The following ELL2 variants were observed in gnomAD, a reference collection of about 807,000 sequenced individuals.
ELL2 encodes the protein elongation factor for RNA polymerase II 2, also known as RNA polymerase II elongation factor ELL2.
A neutral mutation model predicts 72.8 loss-of-function variants in ELL2; 21 were observed. The ratio of observed to expected loss-of-function variants is 0.29; its 90% CI spans 0.20 to 0.42. The LOEUF (loss-of-function observed/expected upper bound fraction) is 0.42. Ranked by LOEUF, ELL2 falls within the 10% of genes least tolerant of loss-of-function variation. ELL2 has a pLI of 1.00. For synonymous variants in ELL2, 266 were observed against 283.2 expected (o/e 0.94, Z 0.61); for missense variants, 568 against 772.8 (o/e 0.73, Z 3.14).
At chr5:95,913,173 C>T (rs968350261) in intron 4 of ELL2, among the ~76,000 whole-genome samples, 3 of 152,112 alleles carry the variant, frequency 2.0e-5, no homozygotes, top group Admixed American at 1.3e-4. Context: ...TGATGGGGGT[C>T]GGATAGGGTC....
intron 2 of ELL2, among the ~76,000 whole-genome samples, chr5:95,933,897 C>T (rs146785985): frequency 0.011 from 1,708 of 151,890 alleles, 13 homozygotes; most frequent in Middle Eastern, 0.041. Context: ...AAAGAAGGAA[C>T]AAAACACTGT....
chr5:95,929,014 C>T (rs1414006926), intron 2 of ELL2, among the ~76,000 whole-genome samples: 3 of 152,150 alleles, frequency 2.0e-5, no homozygotes, highest in African/African-American at 7.2e-5. Context: ...TCTGTGTCCC[C>T]ACTTCTTGCC....
intron 9 of ELL2, among the ~76,000 whole-genome samples, chr5:95,893,439 C>T (rs979519051): frequency 4.6e-5 from 7 of 152,152 alleles, no homozygotes; most frequent in African/African-American, 1.7e-4. Context: ...GGCTGGAGTG[C>T]AGTGGCACCA....
intron 1 of ELL2, among the ~76,000 whole-genome samples, chr5:95,948,268 A>G (rs1041155726): frequency 4.7e-5 from 5 of 107,056 alleles, no homozygotes. Context: ...CGTCTCTACT[A>G]AAAAAACGAA....
In ELL2 at chr5:95,906,541, C is replaced by T; in HGVS notation, c.723G>A (p.Leu241=). The change falls in exon 5 of 12, where the codon CTG becomes CTA. Residue 241 remains leucine, a synonymous_variant. Transcript: ENST00000237853. ...TCCTCACCTGTTGCAGAATTGCTCCCAGGGAGTTCTTGTCTTTTTGATTGA... is the reference window on the plus strand; with the variant it reads ...TCCTCACCTGTTGCAGAATTGCTCCTAGGGAGTTCTTGTCTTTTTGATTGA... ...DGVNQKDKNS[L]GAILQQVANL... 5.0e-6 allele frequency: 8 copies of T among 1,612,784 alleles called. No individual in the cohort carries two copies. The highest frequency in any genetic ancestry group is 6.8e-6 in the Non-Finnish European group (8 of 1,179,024).
chr5:95,931,204 T>C (rs1278874448), intron 2 of ELL2, among the ~76,000 whole-genome samples: 2 of 151,944 alleles, frequency 1.3e-5, no homozygotes, highest in African/African-American at 4.8e-5. Flanking sequence ...TGTGTTACCT[T>C]GGGCAAATAA....
At chr5:95,957,885 TA>T (rs1267092127) in intron 1 of ELL2, among the ~76,000 whole-genome samples, 1 of 152,238 alleles carries the variant, frequency 6.6e-6, no homozygotes, top group Non-Finnish European at 1.5e-5. Flanking sequence ...GCCTAAATCA[TA>T]GCTTCCTAAA....
Position 95,887,853 on chromosome 5 carries a change from C to G in ELL2, c.*1018G>C, listed in dbSNP as rs1434557547. 1 of 152,166 alleles carries G rather than the reference C, an allele frequency of 6.6e-6. No individual in the cohort carries two copies. The highest frequency in any genetic ancestry group is 1.5e-5 in the Non-Finnish European group (1 of 68,008). The allele number at this position is 152,166 out of a possible 1,614,324, so 9.4% of individuals were successfully genotyped here. On this transcript the variant is annotated 3_prime_UTR_variant, in exon 12 of 12. Coordinates refer to ENST00000237853, the MANE Select transcript of ELL2 (RefSeq NM_012081.6). ...CACATTTCATTTTATAATTTTGTCC[C>G]AAAACTATAGATCTGTTTCATTTTC... is the stretch of plus-strand genomic sequence containing the variant.
At chr5:95,916,935 G>A (rs1749832443) in intron 3 of ELL2, among the ~76,000 whole-genome samples, 1 of 152,148 alleles carries the variant, frequency 6.6e-6, no homozygotes, top group Non-Finnish European at 1.5e-5. Flanking sequence ...AGAATAAGCT[G>A]AACATACTGC....
chr5:95,907,625 A>G (rs1481455523), intron 4 of ELL2, among the ~76,000 whole-genome samples: 6 of 152,148 alleles, frequency 3.9e-5, no homozygotes, highest in Non-Finnish European at 7.3e-5. Context: ...GGTCACTGAC[A>G]ATCCCAGCAA....
At position 95,930,190 on chromosome 5, in the gene ELL2, GA is replaced by G. The variant is rs531714495; in HGVS notation, c.196-10646del. ...AAAGCCCAAACCTGAATTCTACAAGGAAAAAAAATCTTAAATATGAATCGCA... is the reference window on the plus strand; with the variant it reads ...AAAGCCCAAACCTGAATTCTACAAGGAAAAAAATCTTAAATATGAATCGCA... On this transcript the variant is annotated intron_variant, in intron 2 of 11. Coordinates refer to ENST00000237853, the MANE Select transcript of ELL2 (RefSeq NM_012081.6). 6.4e-4 allele frequency among the ~76,000 whole-genome samples: 98 copies of G among 151,996 alleles called. 2 individuals are homozygous for G. Among genetic ancestry groups the G allele is most frequent in the Non-Finnish European group, 1.6e-4 (11 of 67,936 alleles).
chr5:95,902,365 CT>C (rs1749175362), intron 5 of ELL2, among the ~76,000 whole-genome samples: 1 of 152,204 alleles, frequency 6.6e-6, no homozygotes, highest in Non-Finnish European at 1.5e-5. Context: ...CCCCAAATTA[CT>C]GTTATTAGTC....
intron 2 of ELL2, among the ~76,000 whole-genome samples, chr5:95,931,796 T>TTAAA (rs1554077874): frequency 5.8e-4 from 42 of 72,550 alleles, no homozygotes; most frequent in African/African-American, 5.9e-4. Context: ...GCCCTATCCA[T>TTAAA]AAAAAAAAAA....
At chr5:95,953,955 T>C (rs1175271509) in intron 1 of ELL2, among the ~76,000 whole-genome samples, 1 of 152,208 alleles carries the variant, frequency 6.6e-6, no homozygotes, top group Non-Finnish European at 1.5e-5. Flanking sequence ...TGGCCTTAAG[T>C]ACAATTTATA....
chr5:95,908,734 T>C (rs1749471274), intron 4 of ELL2, among the ~76,000 whole-genome samples: 1 of 152,142 alleles, frequency 6.6e-6, no homozygotes, highest in Admixed American at 6.5e-5. Flanking sequence ...AAAATTTTAA[T>C]AGGAAATATT....
intron 1 of ELL2, among the ~76,000 whole-genome samples, chr5:95,960,907 C>T (rs1345192374): frequency 6.6e-6 from 1 of 151,720 alleles, no homozygotes; most frequent in Non-Finnish European, 1.5e-5. Context: ...AGTGTCCCCG[C>T]CGTTCCAGTG....
intron 2 of ELL2, among the ~76,000 whole-genome samples, chr5:95,935,911 A>G (rs1750756456): frequency 6.6e-6 from 1 of 152,232 alleles, no homozygotes; most frequent in African/African-American, 2.4e-5. Context: ...TTAAAATGCA[A>G]ATCTGACCAC....
intron 1 of ELL2, among the ~76,000 whole-genome samples, chr5:95,945,501 A>G (rs1263230434): frequency 6.6e-6 from 1 of 152,158 alleles, no homozygotes; most frequent in Non-Finnish European, 1.5e-5. Flanking sequence ...TGTTCCACAC[A>G]CATCTGTTAA....
At chr5:95,936,738 T>C (rs1750788715) in intron 2 of ELL2, among the ~76,000 whole-genome samples, 1 of 150,126 alleles carries the variant, frequency 6.7e-6, no homozygotes, top group Non-Finnish European at 1.5e-5. Context: ...GAGTAAGGGA[T>C]GGTTAAATTT....
Sources: gnomAD v4.1 joint callset for allele counts (sites outside exome capture counted in the v4.1 genomes callset) on GRCh38, gnomAD v4.1.1 for gene constraint, MANE v1.5 for transcripts, NCBI Gene and HGNC (gene_info 2026-07-23, HGNC 2026-07-21) for gene names.